The following IQCM variants were observed in gnomAD, a reference collection of about 807,000 sequenced individuals.
IQCM encodes IQ domain-containing protein M.
IQCM carries 45 observed loss-of-function variants against 57.6 expected under a neutral mutation model. That is an observed-to-expected ratio of 0.78 (90% CI 0.62 to 1.00). The LOEUF is 1.00. IQCM is among the 50% of genes least tolerant of loss of function. The pLI, the probability that IQCM is intolerant of heterozygous loss-of-function variation, is 0.00. For synonymous variants in IQCM, 148 were observed against 158.9 expected, an observed-to-expected ratio of 0.93 and a Z score of 0.51; for missense variants, 468 against 511.6, an observed-to-expected ratio of 0.91 and a Z score of 0.82.
chr4:149,482,400 A>G (rs1741005708), intron 12 of IQCM, among the ~76,000 whole-genome samples: 1 of 151,984 alleles, frequency 6.6e-6, no homozygotes, highest in Non-Finnish European at 1.5e-5. Context: ...TTTCAATATG[A>G]TACTAGCTGT....
At chr4:149,483,987 C>A (rs1474854694) in intron 12 of IQCM, among the ~76,000 whole-genome samples, 2 of 151,872 alleles carry the variant, frequency 1.3e-5, no homozygotes, top group Admixed American at 1.3e-4. Flanking sequence ...TCATGATATC[C>A]TCTTGCTAAA....
chr4:149,795,865 T>C (rs1773063978), intron 2 of IQCM, among the ~76,000 whole-genome samples: 1 of 152,210 alleles, frequency 6.6e-6, no homozygotes, highest in Admixed American at 6.5e-5. Context: ...GACTCAGTTC[T>C]GGCAGCATTT....
At chr4:149,512,486 A>G (rs1744529810) in intron 12 of IQCM, among the ~76,000 whole-genome samples, 7 of 152,210 alleles carry the variant, frequency 4.6e-5, no homozygotes, top group Admixed American at 4.6e-4. Flanking sequence ...TCACAAATAT[A>G]AATTTTAATG....
At chr4:149,590,713 G>C (rs531058225) in intron 8 of IQCM, among the ~76,000 whole-genome samples, 6 of 152,090 alleles carry the variant, frequency 3.9e-5, no homozygotes, top group African/African-American at 1.4e-4. Flanking sequence ...TTGGTTTTCT[G>C]TTCCTGTGTT....
intron 12 of IQCM, among the ~76,000 whole-genome samples, chr4:149,519,164 T>G (rs1745319975): frequency 6.6e-6 from 1 of 152,326 alleles, no homozygotes; most frequent in Non-Finnish European, 1.5e-5. Context: ...AGCAGCTTGA[T>G]GTTATATACA....
intron 12 of IQCM, among the ~76,000 whole-genome samples, chr4:149,450,227 T>C (rs551814171): frequency 1.3e-4 from 20 of 151,948 alleles, no homozygotes; most frequent in Admixed American, 3.9e-4. Context: ...ATTAAATACT[T>C]AAATCTAAGA....
At chr4:149,703,781 T>C (rs1192418029) in intron 5 of IQCM, among the ~76,000 whole-genome samples, 1 of 151,924 alleles carries the variant, frequency 6.6e-6, no homozygotes, top group Non-Finnish European at 1.5e-5. Flanking sequence ...AAATCATTAC[T>C]ACTAAAGGGA....
At chr4:149,496,827 A>T (rs1446474529) in intron 12 of IQCM, among the ~76,000 whole-genome samples, 1 of 152,172 alleles carries the variant, frequency 6.6e-6, no homozygotes, top group Non-Finnish European at 1.5e-5. Context: ...CTTTCATTCA[A>T]TATTCATTAA....
intron 12 of IQCM, among the ~76,000 whole-genome samples, chr4:149,519,270 T>G (rs1470832911): frequency 6.6e-6 from 1 of 152,100 alleles, no homozygotes; most frequent in East Asian, 1.9e-4. Flanking sequence ...TTATTGTAAT[T>G]TTTTTGCTTC....
At chr4:149,749,639 A>G (rs1768250587) in intron 2 of IQCM, among the ~76,000 whole-genome samples, 1 of 152,154 alleles carries the variant, frequency 6.6e-6, no homozygotes. Flanking sequence ...ACACTTCGTC[A>G]ATATTCATTG....
chr4:149,484,615 C>CT (rs978617741), intron 12 of IQCM, among the ~76,000 whole-genome samples: 1 of 151,872 alleles, frequency 6.6e-6, no homozygotes, highest in African/African-American at 2.4e-5. Context: ...AATTTTGTCC[C>CT]TTTTTTTAAC....
rs536451199 is a variant in IQCM, at chr4:149,560,061, C to T, written c.948+3631G>A. On this transcript the variant is annotated intron_variant, in intron 10 of 13. Transcript: ENST00000636793. ...TCTGGTCCATGGAAAAATTGACTTCCACAAAACTGGTCCCTGGCACCAAAA... is the reference window on the plus strand; with the variant it reads ...TCTGGTCCATGGAAAAATTGACTTCTACAAAACTGGTCCCTGGCACCAAAA... 4.9e-4 allele frequency among the ~76,000 whole-genome samples: 74 copies of T among 152,302 alleles called. 1 individual carries two copies. The South Asian group carries it at 0.015, about 32-fold the overall frequency.
intron 12 of IQCM, among the ~76,000 whole-genome samples, chr4:149,469,384 A>T (rs185993415): frequency 6.6e-6 from 1 of 152,354 alleles, no homozygotes; most frequent in East Asian, 1.9e-4. Context: ...GTGATTGAAG[A>T]TCAAATGAAT....
At chr4:149,662,492 C>T (rs1760312552) in intron 7 of IQCM, among the ~76,000 whole-genome samples, 2 of 151,710 alleles carry the variant, frequency 1.3e-5, no homozygotes, top group African/African-American at 2.4e-5. Context: ...ATGATCTGTC[C>T]ATTGTTGAAA....
intron 13 of IQCM, among the ~76,000 whole-genome samples, chr4:149,411,807 A>G (rs946597047): frequency 2.6e-5 from 4 of 152,144 alleles, no homozygotes; most frequent in African/African-American, 9.6e-5. Flanking sequence ...CTGTTTTATC[A>G]ATTTTTAAAA....
chr4:149,662,770 C>T (rs754957874), intron 7 of IQCM, among the ~76,000 whole-genome samples: 4 of 151,824 alleles, frequency 2.6e-5, no homozygotes, highest in Non-Finnish European at 5.9e-5. Flanking sequence ...TTTTCTATTC[C>T]TTCACTTTCA....
At chr4:149,372,272 T>C (rs1383948922) in intron 13 of IQCM, among the ~76,000 whole-genome samples, 1 of 152,220 alleles carries the variant, frequency 6.6e-6, no homozygotes. Context: ...ATTTACATTT[T>C]GTTTTGTAAA....
At chr4:149,384,933 A>T (rs1731315869) in intron 13 of IQCM, among the ~76,000 whole-genome samples, 1 of 151,984 alleles carries the variant, frequency 6.6e-6, no homozygotes, top group Admixed American at 6.6e-5. Flanking sequence ...TTCAGCTATT[A>T]GTGATTTAGC....
Position 149,564,760 on chromosome 4 carries a change from C to T in IQCM, c.750-870G>A, listed in dbSNP as rs148734185. ...CTCTCCTTGCTCCTCAGCCTGCAGA[C>T]GGCCTATCGTGGGACCTCCTTATGG... On this transcript the variant is annotated intron_variant, in intron 9 of 13. Transcript: ENST00000636793. 2.5e-4 allele frequency among the ~76,000 whole-genome samples: 38 copies of T among 152,210 alleles called. No homozygotes were observed. The East Asian group carries it at 5.8e-3, about 23-fold the overall frequency.
Sources: allele counts gnomAD v4.1 joint callset (sites outside exome capture counted in the v4.1 genomes callset), GRCh38; gene constraint gnomAD v4.1.1; transcripts MANE v1.5; gene names NCBI Gene and HGNC (gene_info 2026-07-23, HGNC 2026-07-21).